Variants in C4orf36 observed in about 807,000 individuals in gnomAD.
C4orf36 encodes uncharacterized protein C4orf36.
A neutral mutation model predicts 12.2 loss-of-function variants in C4orf36; 11 were observed. The ratio of observed to expected loss-of-function variants is 0.90; its 90% CI spans 0.57 to 1.49. C4orf36 has a LOEUF of 1.49. Among genes scored for constraint, C4orf36 ranks in the 40% most tolerant of loss-of-function variants. The pLI, the probability that C4orf36 is intolerant of heterozygous loss-of-function variation, is 0.00. For synonymous variants in C4orf36, 54 were observed against 51.3 expected (o/e 1.05, Z -0.22); for missense variants, 137 against 133.9 (o/e 1.02, Z -0.11).
intron 4 of C4orf36, among the ~76,000 whole-genome samples, chr4:86,877,704 A>G (rs1247124049): frequency 6.6e-6 from 1 of 152,212 alleles, no homozygotes; most frequent in African/African-American, 2.4e-5. Context: ...ATATCGGGAT[A>G]ATTCAGATAA....
At chr4:86,896,836 C>T (rs1015402451), upstream of C4orf36, among the ~76,000 whole-genome samples, 8 of 152,180 alleles carry the variant, frequency 5.3e-5, no homozygotes, top group African/African-American at 1.9e-4. Context: ...AATTCATCTC[C>T]TACTCCCTAA....
the C4orf36 span, among the ~76,000 whole-genome samples, chr4:86,917,640 AAGG>A: frequency 6.6e-6 from 1 of 151,686 alleles, no homozygotes; most frequent in African/African-American, 2.4e-5. Context: ...AAGAGAAAGG[AAGG>A]AGGAAGGAAG....
At chr4:86,934,834 C>T in the C4orf36 span, 1 of 152,248 alleles carries the variant, frequency 6.6e-6, no homozygotes, top group African/African-American at 2.4e-5. Context: ...CCCCCACGAT[C>T]CTCCCACCAA....
chr4:86,930,569 C>T, the C4orf36 span, among the ~76,000 whole-genome samples: 1 of 152,118 alleles, frequency 6.6e-6, no homozygotes, highest in Non-Finnish European at 1.5e-5. Context: ...CAGTTAAATC[C>T]CTACATTTGT....
the C4orf36 span, chr4:86,934,930 G>A: frequency 6.6e-6 from 1 of 152,082 alleles, no homozygotes; most frequent in African/African-American, 2.4e-5. Context: ...ACCGCAGCTC[G>A]GGAGGTGGGG....
At chr4:86,933,889 G>A in the C4orf36 span, among the ~76,000 whole-genome samples, 1 of 152,202 alleles carries the variant, frequency 6.6e-6, no homozygotes, top group Non-Finnish European at 1.5e-5. Context: ...GGAGGATATG[G>A]AGTAGGGCGA....
chr4:86,900,417 C>A, the C4orf36 span, among the ~76,000 whole-genome samples: 2 of 152,134 alleles, frequency 1.3e-5, no homozygotes, highest in Non-Finnish European at 2.9e-5. Flanking sequence ...TCCTAAACCC[C>A]AGTATCTCAG....
the C4orf36 span, among the ~76,000 whole-genome samples, chr4:86,918,512 A>T: frequency 1.3e-5 from 2 of 152,324 alleles, no homozygotes; most frequent in South Asian, 4.1e-4. Context: ...TTCTCAAGGG[A>T]GAAATGTTTC....
intron 2 of C4orf36, among the ~76,000 whole-genome samples, chr4:86,888,551 G>A (rs1003919921): frequency 2.6e-5 from 4 of 152,126 alleles, no homozygotes; most frequent in African/African-American, 9.7e-5. Context: ...CCATGTAAGA[G>A]GATGTAGATA....
At chr4:86,922,949 CTTTT>C in the C4orf36 span, among the ~76,000 whole-genome samples, 24 of 139,582 alleles carry the variant, frequency 1.7e-4, no homozygotes, top group African/African-American at 6.3e-4. Context: ...CTTCTTCTTC[CTTTT>C]TTTTTTTTTT....
At chr4:86,905,815 T>TCAAG in the C4orf36 span, among the ~76,000 whole-genome samples, 1 of 151,800 alleles carries the variant, frequency 6.6e-6, no homozygotes, top group East Asian at 1.9e-4. Flanking sequence ...TCTCCAAGGT[T>TCAAG]CAAGCAATTC....
At chr4:86,914,508 C>G in the C4orf36 span, 1 of 494,028 alleles carries the variant, frequency 2.0e-6, no homozygotes, top group East Asian at 4.1e-5. Context: ...ACCAGCAATT[C>G]TCCTGCCTCA....
the C4orf36 span, among the ~76,000 whole-genome samples, chr4:86,900,143 C>G: frequency 6.6e-6 from 1 of 151,730 alleles, no homozygotes; most frequent in Non-Finnish European, 1.5e-5. Context: ...TCAAGCAACT[C>G]TCCTCCCTCA....
the C4orf36 span, chr4:86,913,583 CTG>C: frequency 7.8e-7 from 1 of 1,282,812 alleles, no homozygotes; most frequent in Non-Finnish European, 1.1e-6. Flanking sequence ...AGCCACCACT[CTG>C]TTCTCTGAGA....
At chr4:86,932,780 GTTCT>G in the C4orf36 span, among the ~76,000 whole-genome samples, 1 of 57,832 alleles carries the variant, frequency 1.7e-5, no homozygotes, top group Non-Finnish European at 3.1e-5. Flanking sequence ...GGGTGGGGGG[GTTCT>G]GTTAAAAAAA....
At chr4:86,907,892 C>T in the C4orf36 span, among the ~76,000 whole-genome samples, 981 of 151,150 alleles carry the variant, frequency 6.5e-3, 14 homozygotes, top group African/African-American at 0.022. Flanking sequence ...TTGCTTGACC[C>T]GAGGAGCAGA....
chr4:86,891,921 G>C (rs1465349987), intron 1 of C4orf36: 1 of 895,982 alleles, frequency 1.1e-6, no homozygotes, highest in Non-Finnish European at 1.4e-6. Context: ...AGCGACCAAA[G>C]GCTCTGCCTG....
At chr4:86,914,093 C>A in the C4orf36 span, 1 of 1,608,058 alleles carries the variant, frequency 6.2e-7, no homozygotes, top group Non-Finnish European at 8.5e-7. Flanking sequence ...TGTGCTTGCT[C>A]ACCCACCAGT....
intron 4 of C4orf36, among the ~76,000 whole-genome samples, chr4:86,884,437 T>G (rs535521004): frequency 6.6e-6 from 1 of 151,906 alleles, no homozygotes; most frequent in South Asian, 2.1e-4. Context: ...CCTGAGTAGC[T>G]GGGACTACAG....
Sources: allele counts gnomAD v4.1 joint callset (sites outside exome capture counted in the v4.1 genomes callset), GRCh38; gene constraint gnomAD v4.1.1; transcripts MANE v1.5; gene names NCBI Gene and HGNC (gene_info 2026-07-23, HGNC 2026-07-21).